F13A1: variants seen among roughly 807,000 people sequenced by gnomAD.
F13A1 encodes FSF, A subunit.
In F13A1, 47 loss-of-function variants were observed where a neutral mutation model predicts 80.1. The ratio of observed to expected loss-of-function variants is 0.59; its 90% CI spans 0.46 to 0.75. The LOEUF (loss-of-function observed/expected upper bound fraction) is 0.75. F13A1 is among the 30% of genes least tolerant of loss of function. F13A1 has a pLI of 0.00. For missense variants in F13A1, 817 were observed against 930.4 expected (o/e 0.88, Z 1.59); for synonymous variants, 349 against 344.9 (o/e 1.01, Z -0.13).
intron 3 of F13A1, among the ~76,000 whole-genome samples, chr6:6,267,791 C>T (rs1053805976): frequency 2.0e-5 from 3 of 152,106 alleles, no homozygotes; most frequent in Non-Finnish European, 2.9e-5. Context: ...TGTAAGGATG[C>T]ACTTTGGGGA....
chr6:6,167,109 C>A (rs1760686951), intron 13 of F13A1, among the ~76,000 whole-genome samples: 1 of 152,102 alleles, frequency 6.6e-6, no homozygotes, highest in Non-Finnish European at 1.5e-5. Flanking sequence ...CATGCCTGAC[C>A]CACTTTATTC....
chr6:6,233,095 A>G (rs538219968), intron 6 of F13A1, among the ~76,000 whole-genome samples: 29 of 152,284 alleles, frequency 1.9e-4, no homozygotes, highest in African/African-American at 6.5e-4. Context: ...GAAAAGAAAT[A>G]ACCAAGATCA....
At chr6:6,235,747 A>G (rs915539188) in intron 6 of F13A1, among the ~76,000 whole-genome samples, 1 of 152,076 alleles carries the variant, frequency 6.6e-6, no homozygotes, top group Non-Finnish European at 1.5e-5. Flanking sequence ...AATTAAACCT[A>G]TGTTTAGCTT....
intron 1 of F13A1, among the ~76,000 whole-genome samples, chr6:6,319,211 T>C (rs1279072031): frequency 6.6e-6 from 1 of 152,204 alleles, no homozygotes; most frequent in African/African-American, 2.4e-5. Flanking sequence ...GGCTGTGATC[T>C]AGGTACATGG....
chr6:6,191,548 G>A (rs1761200105), intron 10 of F13A1, among the ~76,000 whole-genome samples: 1 of 152,246 alleles, frequency 6.6e-6, no homozygotes, highest in Non-Finnish European at 1.5e-5. Context: ...GTAAAGGTGG[G>A]GTGGAAAGCA....
intron 5 of F13A1, among the ~76,000 whole-genome samples, chr6:6,248,793 A>G (rs1757590252): frequency 6.6e-6 from 1 of 152,236 alleles, no homozygotes; most frequent in Non-Finnish European, 1.5e-5. Flanking sequence ...GTCAGGCCAG[A>G]GTCTTAGGAC....
At chr6:6,320,450 G>T (rs1758759614) in intron 1 of F13A1, 137 bp downstream of exon 1, 5 of 304,456 alleles carry the variant, frequency 1.6e-5, no homozygotes, top group Non-Finnish European at 3.4e-5. Flanking sequence ...GGGAAGCCAG[G>T]ATTGGGCAAG....
intron 4 of F13A1, among the ~76,000 whole-genome samples, chr6:6,265,468 G>C (rs1299894651): frequency 6.6e-6 from 1 of 152,178 alleles, no homozygotes; most frequent in East Asian, 1.9e-4. Context: ...GTGGGAGCAG[G>C]GGAGAGGTAT....
At chr6:6,315,458 T>C (rs1758665837) in intron 2 of F13A1, among the ~76,000 whole-genome samples, 1 of 152,050 alleles carries the variant, frequency 6.6e-6, no homozygotes, top group Non-Finnish European at 1.5e-5. Flanking sequence ...TTTTCTTGAA[T>C]ATCATGGTGT....
At chr6:6,234,299 A>G (rs775334876) in intron 6 of F13A1, among the ~76,000 whole-genome samples, 58 of 152,100 alleles carry the variant, frequency 3.8e-4, no homozygotes, top group Non-Finnish European at 6.2e-4. Flanking sequence ...TCTTCTCTAC[A>G]TCAACAGTGA....
chr6:6,187,950 G>C (rs1761110199), intron 10 of F13A1, among the ~76,000 whole-genome samples: 1 of 148,534 alleles, frequency 6.7e-6, no homozygotes, highest in South Asian at 2.2e-4. Flanking sequence ...GTTTAGTCTT[G>C]GGAGAGTGTA....
At chr6:6,189,801 T>A (rs1195539418) in intron 10 of F13A1, among the ~76,000 whole-genome samples, 1 of 151,684 alleles carries the variant, frequency 6.6e-6, no homozygotes, top group Non-Finnish European at 1.5e-5. Flanking sequence ...TTCTCCTGGA[T>A]AATATCCTGC....
At chr6:6,291,319 T>TG (rs1758221987) in intron 3 of F13A1, among the ~76,000 whole-genome samples, 1 of 152,084 alleles carries the variant, frequency 6.6e-6, no homozygotes, top group South Asian at 2.1e-4. Flanking sequence ...TGACTGATTC[T>TG]TCCCTCTCTG....
intron 14 of F13A1, among the ~76,000 whole-genome samples, chr6:6,147,143 G>T (rs1047714222): frequency 2.0e-5 from 3 of 152,188 alleles, no homozygotes; most frequent in Non-Finnish European, 4.4e-5. Context: ...TGACGCAATG[G>T]TCTTTGGGGA....
chr6:6,225,414 G>A (rs1757262665), intron 6 of F13A1, among the ~76,000 whole-genome samples: 1 of 152,198 alleles, frequency 6.6e-6, no homozygotes, highest in African/African-American at 2.4e-5. Flanking sequence ...AACAGATGTT[G>A]TCTTGGAATC....
intron 3 of F13A1, among the ~76,000 whole-genome samples, chr6:6,271,969 C>A (rs560289401): frequency 3.9e-5 from 6 of 152,338 alleles, no homozygotes; most frequent in African/African-American, 1.4e-4. Context: ...TCTTTTCCAA[C>A]CTTAGCTACC....
intron 10 of F13A1, among the ~76,000 whole-genome samples, chr6:6,183,385 G>A (rs551828311): frequency 6.6e-6 from 1 of 152,214 alleles, no homozygotes; most frequent in African/African-American, 2.4e-5. Context: ...AGTATTGCCA[G>A]ATATTGTTTA....
chr6:6,292,081 A>G (rs546134172), intron 3 of F13A1, among the ~76,000 whole-genome samples: 18 of 152,230 alleles, frequency 1.2e-4, no homozygotes, highest in African/African-American at 3.9e-4. Context: ...GACCTGGGTA[A>G]ATTACTTAAT....
At chr6:6,272,387 A>C (rs1757932727) in intron 3 of F13A1, among the ~76,000 whole-genome samples, 1 of 152,192 alleles carries the variant, frequency 6.6e-6, no homozygotes, top group Admixed American at 6.6e-5. Context: ...CTGGAAGAAC[A>C]TACTTGCCAT....
Sources: allele counts gnomAD v4.1 joint callset (sites outside exome capture counted in the v4.1 genomes callset), GRCh38; gene constraint gnomAD v4.1.1; transcripts MANE v1.5; gene names NCBI Gene and HGNC (gene_info 2026-07-23, HGNC 2026-07-21).